The following CACNA1E variants were observed in gnomAD, a reference collection of about 807,000 sequenced individuals.
CACNA1E encodes voltage-dependent R-type calcium channel subunit alpha-1E.
Under a neutral mutation model 259.2 loss-of-function variants are expected in CACNA1E, and 40 were observed. That is an observed-to-expected ratio of 0.15 (90% CI 0.12 to 0.20). The LOEUF (loss-of-function observed/expected upper bound fraction) is 0.20. Ranked by LOEUF, CACNA1E falls within the 10% of genes least tolerant of loss-of-function variation. CACNA1E has a pLI of 1.00. For synonymous variants in CACNA1E, 1,104 were observed against 1,138.5 expected (o/e 0.97, Z 0.61); for missense variants, 1,874 against 3,040.1 (o/e 0.62, Z 9.02).
chr1:181,330,989 G>A (rs900918821), intron 1 of CACNA1E, among the ~76,000 whole-genome samples: 1 of 152,188 alleles, frequency 6.6e-6, no homozygotes, highest in East Asian at 1.9e-4. Flanking sequence ...AGGGTGGCAA[G>A]CAGAGCTCTA....
At position 181,737,575 on chromosome 1, in the gene CACNA1E, G is replaced by T. The variant is rs1259408206; in HGVS notation, c.3473G>T (p.Cys1158Phe). ...GTGAACCTGCGCTACTTTGAGATGT[G>T]CATCCTCCTGGTGATTGCAGCCAGC... ...YIVNLRYFEM[C>F]ILLVIAASSI... Residue 1158 changes from cysteine to phenylalanine, a missense_variant, in exon 23 of 48, where the codon TGC becomes TTC. By Grantham distance (205) the Cys-to-Phe change is radical. Transcript: ENST00000367573. The T allele has an allele frequency of 6.2e-7, 1 of 1,613,872 alleles. No individual in the cohort carries two copies. Among genetic ancestry groups the T allele is most frequent in the Non-Finnish European group, 8.5e-7 (1 of 1,179,872 alleles).
Position 181,635,268 on chromosome 1 carries a change from T to C in CACNA1E, c.952-16070T>C, listed in dbSNP as rs548042473. Reference sequence around the variant, plus strand: ...AGGTGTGTCTGATGCCCGGTCATCCTAGAGAAGGGGTTGTGGGAGGGGCTG... The same window carrying C: ...AGGTGTGTCTGATGCCCGGTCATCCCAGAGAAGGGGTTGTGGGAGGGGCTG... On this transcript the variant is annotated intron_variant, in intron 6 of 47. Transcript: ENST00000367573. 2.0e-5 allele frequency among the ~76,000 whole-genome samples: 3 copies of C among 152,310 alleles called. No individual in the cohort carries two copies. In the South Asian group the frequency reaches 6.2e-4, roughly 32 times the overall value.
intron 7 of CACNA1E, among the ~76,000 whole-genome samples, chr1:181,671,452 A>G (rs1034058522): frequency 2.6e-5 from 4 of 152,270 alleles, no homozygotes; most frequent in East Asian, 1.9e-4. Context: ...GCAAGCAAAT[A>G]ACACAAATAA....
intron 1 of CACNA1E, among the ~76,000 whole-genome samples, chr1:181,369,468 C>T (rs1654523897): frequency 6.6e-6 from 1 of 152,232 alleles, no homozygotes; most frequent in Non-Finnish European, 1.5e-5. Flanking sequence ...CAAAAGGCAA[C>T]ATCACAGAGC....
At chr1:181,344,268 A>G (rs16857131) in intron 1 of CACNA1E, among the ~76,000 whole-genome samples, 46,128 of 152,058 alleles carry the variant, frequency 0.3, 7,075 homozygotes, top group African/African-American at 0.32. Context: ...CTTTCCACTA[A>G]CACTGCTTGC....
intron 2 of CACNA1E, among the ~76,000 whole-genome samples, chr1:181,477,037 A>C (rs35766259): frequency 1.7e-3 from 258 of 152,262 alleles, no homozygotes; most frequent in African/African-American, 5.8e-3. Flanking sequence ...ACCTCATCTT[A>C]TGGGAAAGAA....
chr1:181,342,298 C>T (rs906951963), intron 1 of CACNA1E, among the ~76,000 whole-genome samples: 4 of 152,052 alleles, frequency 2.6e-5, no homozygotes, highest in Non-Finnish European at 5.9e-5. Flanking sequence ...TTTGGATTTT[C>T]AGTATGATAA....
At chr1:181,510,995 A>G (rs557520871) in intron 2 of CACNA1E, among the ~76,000 whole-genome samples, 1 of 152,348 alleles carries the variant, frequency 6.6e-6, no homozygotes, top group Non-Finnish European at 1.5e-5. Context: ...TATTCCCCCT[A>G]AAAAGAGCAG....
chr1:181,505,728 T>C (rs1395246012), intron 1 of CACNA1E, among the ~76,000 whole-genome samples: 1 of 152,110 alleles, frequency 6.6e-6, no homozygotes, highest in Admixed American at 6.5e-5. Context: ...TGGTTTATTT[T>C]CTTTTTTAAA....
At chr1:181,662,389 G>C (rs1361154976) in intron 7 of CACNA1E, among the ~76,000 whole-genome samples, 1 of 152,154 alleles carries the variant, frequency 6.6e-6, no homozygotes, top group Non-Finnish European at 1.5e-5. Context: ...CTGGCTCCCT[G>C]TCTGGGGTGC....
intron 1 of CACNA1E, among the ~76,000 whole-genome samples, chr1:181,399,002 A>G (rs113450192): frequency 1.4e-3 from 218 of 152,342 alleles, no homozygotes; most frequent in Admixed American, 4.2e-3. Flanking sequence ...CTATGAGGAC[A>G]TAAATATTAG....
At chr1:181,442,257 A>G (rs1571884225) in intron 2 of CACNA1E, among the ~76,000 whole-genome samples, 1 of 151,230 alleles carries the variant, frequency 6.6e-6, no homozygotes, top group Non-Finnish European at 1.5e-5. Flanking sequence ...TGTGAAGGGC[A>G]CAGGTATGAG....
chr1:181,581,653 G>A (rs1651556541), intron 6 of CACNA1E, among the ~76,000 whole-genome samples: 1 of 152,122 alleles, frequency 6.6e-6, no homozygotes, highest in South Asian at 2.1e-4. Context: ...GTTATCAAAG[G>A]CTTGGTGCAG....
chr1:181,407,349 T>C lies in CACNA1E; in HGVS notation c.-14-5784T>C, dbSNP rs544224414. Among the ~76,000 whole-genome samples, 23 of 152,292 alleles carry C rather than the reference T, an allele frequency of 1.5e-4. No homozygotes were observed. The East Asian group carries it at 4.4e-3, about 29-fold the overall frequency. Reference sequence around the variant, plus strand: ...GACTGGAAATGATTGAGAAGGACACTGTTCTAGTGGCTTTTAGCAACCTGA... The same window carrying C: ...GACTGGAAATGATTGAGAAGGACACCGTTCTAGTGGCTTTTAGCAACCTGA... On this transcript the variant is annotated intron_variant, in intron 1 of 11. Transcript: ENST00000524607.
chr1:181,771,262 C>A, intron 35 of CACNA1E, 31 bp from the exon 36 acceptor site: 2 of 1,244,472 alleles, frequency 1.6e-6, no homozygotes, highest in Non-Finnish European at 2.3e-6. Flanking sequence ...CTTGGTAATG[C>A]TCACTGTTTT....
intron 6 of CACNA1E, among the ~76,000 whole-genome samples, chr1:181,618,049 A>T (rs771678929): frequency 2.0e-5 from 3 of 152,204 alleles, no homozygotes; most frequent in Non-Finnish European, 4.4e-5. Flanking sequence ...AAAGATGTAG[A>T]CAATGAGTCT....
At chr1:181,524,199 G>A (rs1343243043) in intron 3 of CACNA1E, among the ~76,000 whole-genome samples, 1 of 152,232 alleles carries the variant, frequency 6.6e-6, no homozygotes, top group Admixed American at 6.5e-5. Context: ...GACTATGAAA[G>A]AGACACTCAC....
chr1:181,704,080 A>G (rs1470183371), intron 7 of CACNA1E, among the ~76,000 whole-genome samples: 2 of 152,240 alleles, frequency 1.3e-5, no homozygotes, highest in African/African-American at 4.8e-5. Flanking sequence ...ATTAGAGTCA[A>G]TAATGGATAG....
chr1:181,478,834 T>A (rs1361216025), upstream of CACNA1E, among the ~76,000 whole-genome samples: 1 of 152,202 alleles, frequency 6.6e-6, no homozygotes. Flanking sequence ...CTCATGTCCA[T>A]CTGTCTTAGT....
Sources: gnomAD v4.1 joint callset for allele counts (sites outside exome capture counted in the v4.1 genomes callset) on GRCh38, gnomAD v4.1.1 for gene constraint, MANE v1.5 for transcripts, NCBI Gene and HGNC (gene_info 2026-07-23, HGNC 2026-07-21) for gene names.